Variants in TENM2 observed in about 807,000 individuals in gnomAD.
The protein encoded by TENM2 is teneurin-2.
TENM2 carries 52 observed loss-of-function variants against 245.2 expected under a neutral mutation model. That is an observed-to-expected ratio of 0.21 (90% confidence interval 0.17 to 0.27). The LOEUF is 0.27. TENM2 is among the 10% of genes least tolerant of loss of function. The pLI is 1.00. For missense variants in TENM2, 3,046 were observed against 3,666.8 expected (o/e 0.83, Z 4.37); for synonymous variants, 1,363 against 1,438.9 (o/e 0.95, Z 1.19).
the TENM2 span, among the ~76,000 whole-genome samples, chr5:167,094,013 A>C: frequency 6.6e-6 from 1 of 152,194 alleles, no homozygotes; most frequent in African/African-American, 2.4e-5. Flanking sequence ...CTAAGTTTTA[A>C]CAGACAATAA....
chr5:167,442,132 C>T (rs1010466168), intron 2 of TENM2, among the ~76,000 whole-genome samples: 3 of 152,196 alleles, frequency 2.0e-5, no homozygotes, highest in Non-Finnish European at 4.4e-5. Flanking sequence ...GCCCCTTCCT[C>T]CCCTTTCAAT....
At chr5:168,237,551 T>A (rs1385912353) in intron 25 of TENM2, among the ~76,000 whole-genome samples, 1 of 152,044 alleles carries the variant, frequency 6.6e-6, no homozygotes, top group Non-Finnish European at 1.5e-5. Flanking sequence ...GGTATGGTTT[T>A]GGTATGGCAA....
intron 12 of TENM2, among the ~76,000 whole-genome samples, chr5:168,155,728 G>C (rs746079654): frequency 2.6e-5 from 4 of 151,906 alleles, no homozygotes; most frequent in Non-Finnish European, 4.4e-5. Flanking sequence ...CTACACTTCA[G>C]CCTATGTGCT....
At chr5:168,024,728 T>C (rs1786455850) in intron 5 of TENM2, among the ~76,000 whole-genome samples, 1 of 152,142 alleles carries the variant, frequency 6.6e-6, no homozygotes, top group Non-Finnish European at 1.5e-5. Context: ...AGCCATAACA[T>C]TGTTCCCTGA....
intron 7 of TENM2, among the ~76,000 whole-genome samples, chr5:168,086,718 A>C (rs1792490882): frequency 6.6e-6 from 1 of 152,226 alleles, no homozygotes; most frequent in African/African-American, 2.4e-5. Context: ...AACGAGGCAC[A>C]GTTTGGTCTC....
chr5:168,018,129 G>A (rs1185454118), intron 5 of TENM2, among the ~76,000 whole-genome samples: 4 of 152,270 alleles, frequency 2.6e-5, no homozygotes, highest in Non-Finnish European at 4.4e-5. Context: ...AGGTTCATAC[G>A]TGTTAATTGT....
chr5:168,103,221 T>A (rs1793964215), intron 9 of TENM2, among the ~76,000 whole-genome samples: 1 of 152,208 alleles, frequency 6.6e-6, no homozygotes, highest in Admixed American at 6.5e-5. Flanking sequence ...AAACATTTTG[T>A]ATTGAAATCA....
chr5:167,497,195 C>T (rs1768877111), intron 2 of TENM2, among the ~76,000 whole-genome samples: 1 of 152,052 alleles, frequency 6.6e-6, no homozygotes, highest in East Asian at 1.9e-4. Context: ...CCAGTCCTAA[C>T]AGGACATTTA....
chr5:167,074,553 G>A, the TENM2 span, among the ~76,000 whole-genome samples: 1 of 152,194 alleles, frequency 6.6e-6, no homozygotes, highest in Non-Finnish European at 1.5e-5. Context: ...ATGAGATGAT[G>A]CAATAAAGTA....
At chr5:167,449,514 A>AGATAGAT (rs199934794) in intron 2 of TENM2, among the ~76,000 whole-genome samples, 1,016 of 3,804 alleles carry the variant, frequency 0.27, 5 homozygotes, top group Admixed American at 0.39. Flanking sequence ...ATATGCAGAT[A>AGATAGAT]GATAGATAGA....
chr5:168,027,328 C>G (rs1389130831), intron 5 of TENM2, among the ~76,000 whole-genome samples: 2 of 152,196 alleles, frequency 1.3e-5, no homozygotes. Context: ...CAGCCTCCCC[C>G]TTACATCCAA....
chr5:167,374,885 C>T (rs1330652904), intron 1 of TENM2, among the ~76,000 whole-genome samples: 1 of 152,252 alleles, frequency 6.6e-6, no homozygotes, highest in African/African-American at 2.4e-5. Context: ...TGTATATTAG[C>T]TATTTTGATA....
chr5:167,120,038 G>A, the TENM2 span, among the ~76,000 whole-genome samples: 7 of 152,124 alleles, frequency 4.6e-5, no homozygotes, highest in African/African-American at 1.7e-4. Flanking sequence ...CAAATAGGGT[G>A]GGATAGAGAA....
intron 7 of TENM2, among the ~76,000 whole-genome samples, chr5:168,083,954 G>T (rs957311824): frequency 2.0e-5 from 3 of 152,018 alleles, no homozygotes; most frequent in Non-Finnish European, 4.4e-5. Flanking sequence ...AGTGTCTATT[G>T]TTCCATCTTT....
chr5:167,280,780 A>G (rs561250040), upstream of TENM2, among the ~76,000 whole-genome samples: 69 of 150,982 alleles, frequency 4.6e-4, 1 homozygote, highest in Non-Finnish European at 2.5e-4. Flanking sequence ...CTATCTATCT[A>G]TCTATCTATC....
At chr5:167,687,897 C>T (rs1461518335) in intron 2 of TENM2, among the ~76,000 whole-genome samples, 1 of 152,172 alleles carries the variant, frequency 6.6e-6, no homozygotes, top group Non-Finnish European at 1.5e-5. Flanking sequence ...GCAAGAATCA[C>T]TATCAACATT....
chr5:167,680,467 G>C (rs898173), intron 2 of TENM2, among the ~76,000 whole-genome samples: 18,549 of 152,052 alleles, frequency 0.12, 1,481 homozygotes, highest in East Asian at 0.38. Flanking sequence ...GATTGAAAAG[G>C]GTGAGATATT....
chr5:168,240,996 A>G (rs1005555289), intron 25 of TENM2: 8 of 152,264 alleles, frequency 5.3e-5, no homozygotes, highest in Admixed American at 5.2e-4. Flanking sequence ...GAGAAGACCT[A>G]TCTTTCTGAC....
At chr5:167,086,571 A>G in the TENM2 span, among the ~76,000 whole-genome samples, 1 of 152,096 alleles carries the variant, frequency 6.6e-6, no homozygotes, top group Non-Finnish European at 1.5e-5. Flanking sequence ...TGGAGTTTTC[A>G]TGCACCTGTT....
Sources: allele counts gnomAD v4.1 joint callset (sites outside exome capture counted in the v4.1 genomes callset), GRCh38; gene constraint gnomAD v4.1.1; transcripts MANE v1.5; gene names NCBI Gene and HGNC (gene_info 2026-07-23, HGNC 2026-07-21).